The following TSHR variants were observed in gnomAD, a reference collection of about 807,000 sequenced individuals.
The protein encoded by TSHR is thyroid stimulating hormone receptor, also known as thyrotropin receptor.
In TSHR, 51 loss-of-function variants were observed where a neutral mutation model predicts 64.1. The observed-to-expected ratio is 0.80, with a 90% CI of 0.64 to 1.01. TSHR has a LOEUF of 1.01. Among genes scored for constraint, TSHR ranks in the 50% least tolerant of loss-of-function variants. The pLI is 0.00. For synonymous variants in TSHR, 361 were observed against 361.9 expected, an observed-to-expected ratio of 1.00 and a Z score of 0.03; for missense variants, 877 against 942.8, an observed-to-expected ratio of 0.93 and a Z score of 0.91.
rs1249460553 is a variant in TSHR at position 81,143,187 on chromosome 14, ACT to A, written c.1132_1133del (p.Leu378ThrfsTer4). 1 of 1,613,848 alleles carries A rather than the reference ACT, an allele frequency of 6.2e-7. No homozygotes were observed. The highest frequency in any genetic ancestry group is 1.1e-5 in the South Asian group (1 of 91,080). ...GGAGCTCAAAAACCCCCAGGAAGAG[ACT>A]CTACAAGCTTTTGACAGCCATTATG... ...GQELKNPQEE[T>X]LQAFDSHYDY... On this transcript the variant is annotated frameshift_variant, in exon 10 of 10. Coordinates refer to ENST00000298171, the MANE Select transcript of TSHR (RefSeq NM_000369.5). LOFTEE classifies it high-confidence loss of function.
At chr14:81,030,098 T>C (rs975419520) in intron 1 of TSHR, among the ~76,000 whole-genome samples, 1 of 152,188 alleles carries the variant, frequency 6.6e-6, no homozygotes, top group Admixed American at 6.5e-5. Context: ...GCATATTTAT[T>C]GCAGCACAGA....
intron 1 of TSHR, among the ~76,000 whole-genome samples, chr14:81,026,271 A>G (rs2268468): frequency 0.14 from 20,846 of 152,246 alleles, 1,725 homozygotes; most frequent in Non-Finnish European, 0.19. Context: ...GCAGGTGCAC[A>G]ATAAATATTT....
intron 8 of TSHR, among the ~76,000 whole-genome samples, chr14:81,134,069 A>G (rs1449457629): frequency 6.6e-6 from 1 of 152,208 alleles, no homozygotes; most frequent in Non-Finnish European, 1.5e-5. Context: ...TTTAAAACCC[A>G]TGTTCCTAAA....
chr14:80,969,865 T>A (rs1270037806), intron 1 of TSHR, among the ~76,000 whole-genome samples: 1 of 152,248 alleles, frequency 6.6e-6, no homozygotes, highest in Non-Finnish European at 1.5e-5. Flanking sequence ...TAGACTTTCT[T>A]GTTCTCTGTT....
At chr14:81,076,406 AT>A (rs1887506413) in intron 3 of TSHR, among the ~76,000 whole-genome samples, 1 of 152,096 alleles carries the variant, frequency 6.6e-6, no homozygotes, top group South Asian at 2.1e-4. Flanking sequence ...CCAAATTTAT[AT>A]ATCTAGTTCA....
intron 3 of TSHR, chr14:81,079,050 T>C (rs771090511): frequency 1.7e-4 from 26 of 152,194 alleles, no homozygotes; most frequent in Admixed American, 1.2e-3. Context: ...GGTAAAGGCA[T>C]TGAGGATTTG....
chr14:81,038,243 A>G (rs1187386227), intron 1 of TSHR, among the ~76,000 whole-genome samples: 2 of 152,104 alleles, frequency 1.3e-5, no homozygotes. Flanking sequence ...CCAATGGGCC[A>G]ATCAAAATAT....
chr14:81,037,053 G>T (rs1327794626), intron 1 of TSHR, among the ~76,000 whole-genome samples: 1 of 152,008 alleles, frequency 6.6e-6, no homozygotes, highest in African/African-American at 2.4e-5. Context: ...TGAGGCAGGA[G>T]AATTGCTTGA....
rs1438288868 is a variant in TSHR at position 81,103,802 on chromosome 14, A to G, written c.615-4573A>G. 7 of 985,356 alleles carry G rather than the reference A, an allele frequency of 7.1e-6. No individual in the cohort carries two copies. The highest frequency in any genetic ancestry group is 3.6e-6 in the Non-Finnish European group (3 of 829,942). The allele number at this position is 985,356 out of a possible 1,614,324, so 61.0% of individuals were successfully genotyped here. A position where few individuals can be genotyped will look rare whatever the true frequency, so the allele number is the denominator to read the frequency against. On this transcript the variant is annotated intron_variant, in intron 7 of 9. Coordinates refer to ENST00000298171, the MANE Select transcript of TSHR (RefSeq NM_000369.5). The surrounding 1 kb of genome is among the most constrained non-coding windows in gnomAD (Gnocchi z 4.1). The stretch of plus-strand genomic sequence containing the variant: ...TGCGTGGGGATATGTTGCTTCTCAC[A>G]GAATGTCTGATTCTCTGTATCACAT...
chr14:81,108,501 T>TTAC, intron 8 of TSHR, 49 bp downstream of exon 8: 6 of 1,504,826 alleles, frequency 4.0e-6, no homozygotes, highest in South Asian at 2.5e-5. Flanking sequence ...TTTCTTTTTT[T>TTAC]TTTTTTGGAA....
At chr14:81,000,025 G>A (rs1211233234) in intron 1 of TSHR, among the ~76,000 whole-genome samples, 1 of 148,822 alleles carries the variant, frequency 6.7e-6, no homozygotes, top group Non-Finnish European at 1.5e-5. Context: ...TCCACCTCCT[G>A]GGTTCAAGCG....
chr14:81,060,408 A>C (rs1886150263), intron 1 of TSHR, among the ~76,000 whole-genome samples: 1 of 152,136 alleles, frequency 6.6e-6, no homozygotes, highest in Admixed American at 6.6e-5. Context: ...AGACCTTCAA[A>C]GGAGAACAAG....
At chr14:80,968,614 G>T (rs747260085) in intron 1 of TSHR, among the ~76,000 whole-genome samples, 2 of 152,138 alleles carry the variant, frequency 1.3e-5, no homozygotes, top group Non-Finnish European at 2.9e-5. Context: ...ATTGCCTGAT[G>T]GAAAGACCCA....
Position 81,103,627 on chromosome 14 carries a change from A to G in TSHR, c.615-4748A>G, listed in dbSNP as rs1889719622. On this transcript the variant is annotated intron_variant, in intron 7 of 9. Coordinates refer to ENST00000298171, the MANE Select transcript of TSHR (RefSeq NM_000369.5). This position sits in a 1 kb window ranked among gnomAD's most constrained non-coding sequence, Gnocchi z 4.1. ...AAAGCACATTGTCCTATGACTTCCT[A>G]TGGCGCCAAGAATGTTGTCATCACT... 4 of 985,338 alleles carry G rather than the reference A, an allele frequency of 4.1e-6. No homozygotes were observed. The African/African-American group carries it at 5.2e-5, about 13-fold the overall frequency. The allele number at this position is 985,338 out of a possible 1,614,324, so 61.0% of individuals were successfully genotyped here.
chr14:80,974,366 G>A (rs1274482968), intron 1 of TSHR, among the ~76,000 whole-genome samples: 1 of 152,154 alleles, frequency 6.6e-6, no homozygotes, highest in Admixed American at 6.5e-5. Flanking sequence ...AGGGTAAAGG[G>A]ACTGAAAGTC....
intron 1 of TSHR, among the ~76,000 whole-genome samples, chr14:80,962,955 T>C (rs977526052): frequency 1.3e-5 from 2 of 152,200 alleles, no homozygotes; most frequent in Non-Finnish European, 2.9e-5. Context: ...TCCCCAGTAA[T>C]ACATGCAAAA....
intron 8 of TSHR, among the ~76,000 whole-genome samples, chr14:81,114,296 C>G (rs1229290602): frequency 6.6e-6 from 1 of 152,150 alleles, no homozygotes; most frequent in African/African-American, 2.4e-5. Context: ...GAGTGCCAGA[C>G]AGTGGGCACA....
intron 3 of TSHR, among the ~76,000 whole-genome samples, chr14:81,082,495 A>C (rs763263407): frequency 4.6e-5 from 7 of 152,210 alleles, no homozygotes; most frequent in African/African-American, 9.6e-5. Flanking sequence ...TTCTAGGCCC[A>C]GTCTTTGGAC....
chr14:81,073,514 A>G (rs1887271133), intron 3 of TSHR, among the ~76,000 whole-genome samples: 1 of 152,176 alleles, frequency 6.6e-6, no homozygotes, highest in African/African-American at 2.4e-5. Context: ...AAAAAATTAA[A>G]ATCACCATGT....
Sources: gnomAD v4.1 joint callset for allele counts (sites outside exome capture counted in the v4.1 genomes callset) on GRCh38, gnomAD v4.1.1 for gene constraint, Gnocchi (gnomAD v3.1) non-coding constraint, MANE v1.5 for transcripts, NCBI Gene and HGNC (gene_info 2026-07-23, HGNC 2026-07-21) for gene names.